Variants in C18orf63 observed in about 807,000 individuals in gnomAD.
C18orf63 encodes chromosome 18 open reading frame 63.
C18orf63 carries 50 observed loss-of-function variants against 75.3 expected under a neutral mutation model. The ratio of observed to expected loss-of-function variants is 0.66; its 90% CI spans 0.53 to 0.84. The LOEUF (loss-of-function observed/expected upper bound fraction) is 0.84. C18orf63 is among the 40% of genes least tolerant of loss of function. The pLI is 0.00. For synonymous variants in C18orf63, 232 were observed against 267.6 expected (o/e 0.87, Z 1.30); for missense variants, 732 against 800.2 (o/e 0.91, Z 1.03).
chr18:74,318,073 T>G lies in C18orf63; in HGVS notation c.134+74T>G, dbSNP rs1034384178. 7 of 1,012,274 alleles carry G rather than the reference T, an allele frequency of 6.9e-6. 1 individual carries two copies. The African/African-American group carries it at 9.9e-5, about 14-fold the overall frequency. The allele number at this position is 1,012,274 out of a possible 1,614,324, so 62.7% of individuals were successfully genotyped here. On this transcript the variant is annotated intron_variant, in intron 2 of 13. Transcript: ENST00000579455. The stretch of plus-strand genomic sequence containing the variant: ...TAAAAGCTGTTTTAGAGGAATTTTC[T>G]ATAAAGCAAAATACTCATTCACTCA...
chr18:74,339,375 T>C (rs1224369983), intron 8 of C18orf63, among the ~76,000 whole-genome samples: 1 of 152,146 alleles, frequency 6.6e-6, no homozygotes, highest in Non-Finnish European at 1.5e-5. Flanking sequence ...GTCTAACAAT[T>C]ACCAGCAATA....
In C18orf63 at chr18:74,351,108, A is replaced by G. The variant is rs145350491; in HGVS notation, c.979-2138A>G. ...CATGGGTAAGCCTCCAACTGAAGTA[A>G]TCTCCAGATAAGAAATGAATCCCAA... On this transcript the variant is annotated intron_variant, in intron 11 of 13. Transcript: ENST00000579455. Among the ~76,000 whole-genome samples the G allele has an allele frequency of 1.3e-3, 201 of 152,308 alleles. 1 individual carries two copies. In the Middle Eastern group the frequency reaches 0.031, roughly 23 times the overall value.
At chr18:74,347,613 AC>A (rs1249535703) in intron 11 of C18orf63, among the ~76,000 whole-genome samples, 1 of 152,182 alleles carries the variant, frequency 6.6e-6, no homozygotes, top group Non-Finnish European at 1.5e-5. Context: ...ATGAGATAAC[AC>A]ATAGAAAAGT....
chr18:74,342,285 C>T lies in C18orf63; in HGVS notation c.753C>T (p.Tyr251=), dbSNP rs1984501808. The T allele has an allele frequency of 3.9e-6, 6 of 1,533,002 alleles. No individual in the cohort carries two copies. Among genetic ancestry groups the T allele is most frequent in the Non-Finnish European group, 4.4e-6 (5 of 1,144,850 alleles). The allele number at this position is 1,533,002 out of a possible 1,614,324, so 95.0% of individuals were successfully genotyped here. The part of the protein sequence containing the change: ...LPGDCGKIKI[Y]CNIYFKMLGE... ...GTGATTGTGGAAAAATTAAAATATA[C>T]TGCAACATCTATTTCAAAATGCTCG... The change falls in exon 10 of 14, where the codon TAC becomes TAT. Residue 251 remains tyrosine, a synonymous_variant. Transcript: ENST00000579455.
At chr18:74,335,881 G>A (rs934732976) in intron 7 of C18orf63, among the ~76,000 whole-genome samples, 2 of 152,068 alleles carry the variant, frequency 1.3e-5, no homozygotes, top group Admixed American at 1.3e-4. Flanking sequence ...AGAAAATTCA[G>A]TGTAGGCCTA....
In C18orf63 at chr18:74,342,039, A is replaced by T. The variant is rs1469799743; in HGVS notation, c.619A>T (p.Met207Leu). 1.3e-6 allele frequency: 2 copies of T among 1,500,724 alleles called. No individual in the cohort carries two copies. Among genetic ancestry groups the T allele is most frequent in the Non-Finnish European group, 1.8e-6 (2 of 1,116,910 alleles). The allele number at this position is 1,500,724 out of a possible 1,614,324, so 93.0% of individuals were successfully genotyped here. ...TCCTCTCATTTTTCATAGTATGAAA[A>T]TGGGACAAATTATAAATATTTTTCA... is the stretch of plus-strand genomic sequence containing the variant. ...NWCYVLPSMK[M>L]GQIINIFHAI... The change falls in exon 9 of 14, where the codon ATG (methionine) becomes TTG (leucine). Residue 207 changes from methionine to leucine, a missense_variant. Met to Leu is a conservative substitution (Grantham distance 15). Coordinates refer to ENST00000579455, the MANE Select transcript of C18orf63 (RefSeq NM_001174123.2).
chr18:74,351,662 A>G (rs1984669320), intron 11 of C18orf63, among the ~76,000 whole-genome samples: 1 of 152,220 alleles, frequency 6.6e-6, no homozygotes, highest in African/African-American at 2.4e-5. Flanking sequence ...TAACATAATT[A>G]TTATTGGTTT....
At position 74,359,038 on chromosome 18, in the gene C18orf63, T is replaced by C. The variant is rs1348370619; in HGVS notation, c.*2591T>C. On this transcript the variant is annotated 3_prime_UTR_variant, in exon 14 of 14. Transcript: ENST00000579455. The stretch of plus-strand genomic sequence containing the variant: ...GTATTATGCTGAAACTGCTAATATA[T>C]TGGGTATTTATTGATACTTAGGAAT... The C allele has an allele frequency of 1.3e-5, 2 of 152,162 alleles. No individual in the cohort carries two copies. Among genetic ancestry groups the C allele is most frequent in the Non-Finnish European group, 2.9e-5 (2 of 68,008 alleles). The allele number at this position is 152,162 out of a possible 1,614,324, so 9.4% of individuals were successfully genotyped here. A position where few individuals can be genotyped will look rare whatever the true frequency, so the allele number is the denominator to read the frequency against.
intron 3 of C18orf63, among the ~76,000 whole-genome samples, chr18:74,321,468 C>T (rs1448460227): frequency 2.0e-5 from 3 of 152,020 alleles, no homozygotes; most frequent in East Asian, 1.9e-4. Flanking sequence ...ACATGCACAG[C>T]TAATGTTTTG....
intron 7 of C18orf63, among the ~76,000 whole-genome samples, chr18:74,335,791 GAAGA>G (rs1984382010): frequency 6.6e-6 from 1 of 152,040 alleles, no homozygotes; most frequent in Non-Finnish European, 1.5e-5. Context: ...ATCTAGGTCA[GAAGA>G]AAGAAGAGCA....
In C18orf63 at chr18:74,353,487, A is replaced by G; in HGVS notation, c.1220A>G (p.His407Arg). The change falls in exon 12 of 14, where the codon CAT becomes CGT. Residue 407 changes from histidine (H) to arginine (R), a missense_variant. By Grantham distance (29) the His-to-Arg change is conservative. Transcript: ENST00000579455. Reference sequence around the variant, plus strand: ...CTGTCTATCAGGGCTCCACAAGTACATTCAGAAGTATTAATGCCCAACAGA... The same window carrying G: ...CTGTCTATCAGGGCTCCACAAGTACGTTCAGAAGTATTAATGCCCAACAGA... ...KSLSIRAPQV[H>R]SEVLMPNRGN... 2 of 1,536,552 alleles carry G rather than the reference A, an allele frequency of 1.3e-6. No homozygotes were observed. The highest frequency in any genetic ancestry group is 8.7e-7 in the Non-Finnish European group (1 of 1,147,002).
chr18:74,355,079 A>G (rs1330157282), intron 13 of C18orf63, among the ~76,000 whole-genome samples: 1 of 152,206 alleles, frequency 6.6e-6, no homozygotes, highest in Non-Finnish European at 1.5e-5. Flanking sequence ...TTGTTCTGCC[A>G]TCTGTTCTAT....
Position 74,353,677 on chromosome 18 carries a change from A to C in C18orf63, c.1410A>C (p.Ser470=), listed in dbSNP as rs896229438. 2 of 1,536,154 alleles carry C rather than the reference A, an allele frequency of 1.3e-6. No homozygotes were observed. The highest frequency in any genetic ancestry group is 3.9e-5 in the Admixed American group (2 of 51,002). The change falls in exon 12 of 14, where the codon TCA becomes TCC. Residue 470 remains serine (S), a synonymous_variant. Coordinates refer to ENST00000579455, the MANE Select transcript of C18orf63 (RefSeq NM_001174123.2). The stretch of plus-strand genomic sequence containing the variant: ...ATGTGACACAATCTAAATTGTTTTC[A>C]CTCAAAACTAGTATGATCCAGCATG... ...QHDVTQSKLF[S]LKTSMIQHDK...
intron 2 of C18orf63, 34 bp downstream of exon 2, chr18:74,318,033 A>G: frequency 1.5e-6 from 2 of 1,372,160 alleles, no homozygotes; most frequent in Non-Finnish European, 1.9e-6. Flanking sequence ...AAGACTTTTA[A>G]AACTTTGAGA....
chr18:74,322,640 TATTTA>T, intron 3 of C18orf63, 53 bp from the exon 4 acceptor site: 1 of 542,926 alleles, frequency 1.8e-6, no homozygotes, highest in African/African-American at 1.9e-5. Context: ...TTTATTGCAT[TATTTA>T]ATTATATATA....
intron 8 of C18orf63, among the ~76,000 whole-genome samples, chr18:74,340,044 A>G (rs894015470): frequency 6.6e-6 from 1 of 152,218 alleles, no homozygotes; most frequent in African/African-American, 2.4e-5. Flanking sequence ...ATGGCAAAGG[A>G]AACAGTCAAC....
chr18:74,341,146 C>A (rs1199999885), intron 8 of C18orf63, among the ~76,000 whole-genome samples: 1 of 151,368 alleles, frequency 6.6e-6, no homozygotes, highest in African/African-American at 2.4e-5. Context: ...CGCCTGTAGT[C>A]CCAGCTACTT....
chr18:74,340,852 G>T (rs1030385695), intron 8 of C18orf63, among the ~76,000 whole-genome samples: 2 of 152,126 alleles, frequency 1.3e-5, no homozygotes, highest in African/African-American at 4.8e-5. Context: ...GGCTGGGTAG[G>T]TGGGAGTGAA....
chr18:74,323,144 G>A (rs1156587787), intron 4 of C18orf63, among the ~76,000 whole-genome samples: 3 of 152,170 alleles, frequency 2.0e-5, no homozygotes, highest in Non-Finnish European at 2.9e-5. Flanking sequence ...TCTTCACAAA[G>A]AGAAAGATGA....
Sources: gnomAD v4.1 joint callset for allele counts (sites outside exome capture counted in the v4.1 genomes callset) on GRCh38, gnomAD v4.1.1 for gene constraint, MANE v1.5 for transcripts, NCBI Gene and HGNC (gene_info 2026-07-23, HGNC 2026-07-21) for gene names.